FKBP1A: variants seen among roughly 807,000 people sequenced by gnomAD.
FKBP1A encodes FKBP prolyl isomerase 1A.
In FKBP1A, 5 loss-of-function variants were observed where a neutral mutation model predicts 14.2. The observed-to-expected ratio is 0.35, with a 90% CI of 0.18 to 0.74. FKBP1A has a LOEUF of 0.74. FKBP1A is among the 30% of genes least tolerant of loss of function. FKBP1A has a pLI of 0.56. For synonymous variants in FKBP1A, 42 were observed against 49.1 expected (o/e 0.86, Z 0.60); for missense variants, 53 against 138.8 (o/e 0.38, Z 3.10).
intron 3 of FKBP1A, 71 bp downstream of exon 3, chr20:1,375,420 A>C: frequency 7.1e-6 from 8 of 1,125,432 alleles, no homozygotes; most frequent in Non-Finnish European, 1.1e-5. Context: ...GAACCGTATA[A>C]ATATGCCACC....
At chr20:1,391,017 C>T (rs975450989) in intron 2 of FKBP1A, among the ~76,000 whole-genome samples, 43 of 152,188 alleles carry the variant, frequency 2.8e-4, no homozygotes, top group African/African-American at 9.9e-4. Flanking sequence ...TAGGAAAAGG[C>T]TCCAGACATG....
intron 3 of FKBP1A, chr20:1,374,361 C>G (rs564165321): frequency 1.3e-5 from 2 of 152,318 alleles, no homozygotes; most frequent in East Asian, 3.9e-4. Context: ...AGGAAACACA[C>G]TCAAGACAAA....
intron 2 of FKBP1A, among the ~76,000 whole-genome samples, chr20:1,391,948 A>G (rs1405225687): frequency 2.6e-5 from 4 of 151,092 alleles, no homozygotes; most frequent in Non-Finnish European, 4.4e-5. Context: ...CCCCATACAA[A>G]CCAGGACAAG....
intron 3 of FKBP1A, among the ~76,000 whole-genome samples, chr20:1,373,848 GAGAC>G (rs71329303): frequency 0.22 from 32,955 of 151,980 alleles, 3,782 homozygotes; most frequent in South Asian, 0.29. Flanking sequence ...ACAGACTAGG[GAGAC>G]AGAGGCAAAA....
intron 4 of FKBP1A, among the ~76,000 whole-genome samples, chr20:1,371,504 C>A (rs2089463887): frequency 6.6e-6 from 1 of 152,202 alleles, no homozygotes; most frequent in African/African-American, 2.4e-5. Flanking sequence ...TTCCACTTCA[C>A]TCACTGATAA....
At chr20:1,385,182 G>T (rs1193308706) in intron 2 of FKBP1A, among the ~76,000 whole-genome samples, 3 of 152,178 alleles carry the variant, frequency 2.0e-5, no homozygotes, top group Non-Finnish European at 4.4e-5. Flanking sequence ...CTGAGCTTCG[G>T]AGTTTGAGAC....
intron 2 of FKBP1A, among the ~76,000 whole-genome samples, chr20:1,385,201 G>T (rs1417875095): frequency 6.6e-6 from 1 of 152,106 alleles, no homozygotes; most frequent in Non-Finnish European, 1.5e-5. Context: ...ACCAGCCTGG[G>T]CAACATGGTG....
chr20:1,370,381 T>C, intron 4 of FKBP1A: 1 of 985,332 alleles, frequency 1.0e-6, no homozygotes, highest in Non-Finnish European at 1.2e-6. Context: ...TCATTGGGTC[T>C]CAAACTGTGC....
At chr20:1,372,292 C>T (rs778833538) in intron 3 of FKBP1A, 52 bp from the exon 4 acceptor site, 89 of 1,590,302 alleles carry the variant, frequency 5.6e-5, no homozygotes, top group Non-Finnish European at 7.4e-5. Flanking sequence ...CCCCAACTGT[C>T]TCTGTAAGAA....
rs2089593695 is a variant in FKBP1A, at chr20:1,379,527, G to A, written c.86-3924C>T. 6.6e-6 allele frequency among the ~76,000 whole-genome samples: 1 copy of A among 151,790 alleles called. No homozygotes were observed. Among genetic ancestry groups the A allele is most frequent in the Admixed American group, 6.6e-5 (1 of 15,188 alleles). On this transcript the variant is annotated intron_variant, in intron 2 of 4. Transcript: ENST00000400137. This position sits in a 1 kb window ranked among gnomAD's most constrained non-coding sequence, Gnocchi z 4.3. ...CAGGAAGCAGGATTTCTAAGTAAAG[G>A]AGCTTTAAACAGGACCTTTGCCTAG... is the stretch of plus-strand genomic sequence containing the variant.
chr20:1,371,654 T>C, intron 4 of FKBP1A: 1 of 913,534 alleles, frequency 1.1e-6, no homozygotes, highest in Non-Finnish European at 1.3e-6. Context: ...GGACATGATA[T>C]TCATATCCAA....
chr20:1,373,691 G>A (rs527546073), intron 3 of FKBP1A, among the ~76,000 whole-genome samples: 99 of 152,300 alleles, frequency 6.5e-4, no homozygotes, highest in African/African-American at 2.3e-3. Flanking sequence ...GAAGTAGGCC[G>A]ATAACACTAT....
At chr20:1,389,866 G>A (rs981609609) in intron 2 of FKBP1A, among the ~76,000 whole-genome samples, 1 of 152,142 alleles carries the variant, frequency 6.6e-6, no homozygotes, top group Non-Finnish European at 1.5e-5. Flanking sequence ...GCACTTACTT[G>A]GCAGCTTACC....
chr20:1,369,916 AG>A lies in FKBP1A; in HGVS notation c.*192del. ...TAGGTAAACACACATACGAGGAGAA[AG>A]GGGAAGAGGAAACAGAGGTGTCGGA... is the stretch of plus-strand genomic sequence containing the variant. On this transcript the variant is annotated 3_prime_UTR_variant, in exon 5 of 5. Transcript: ENST00000400137. 1 of 1,113,368 alleles carries A rather than the reference AG, an allele frequency of 9.0e-7. No individual in the cohort carries two copies. Among genetic ancestry groups the A allele is most frequent in the Non-Finnish European group, 1.3e-6 (1 of 784,588 alleles). 69.0% of individuals were successfully genotyped at this position (1,113,368 alleles called of 1,614,324 possible).
intron 2 of FKBP1A, chr20:1,378,137 T>C (rs1447862513): frequency 6.6e-6 from 1 of 152,052 alleles, no homozygotes; most frequent in Non-Finnish European, 1.5e-5. Flanking sequence ...AAACAAAGAC[T>C]CGGGAAGAAA....
At chr20:1,390,869 C>T (rs760181603) in intron 2 of FKBP1A, among the ~76,000 whole-genome samples, 1 of 152,204 alleles carries the variant, frequency 6.6e-6, no homozygotes, top group Non-Finnish European at 1.5e-5. Context: ...AAAAAGAAAG[C>T]TTTTGTCCTA....
chr20:1,374,134 A>G (rs1450030402), intron 3 of FKBP1A, among the ~76,000 whole-genome samples: 2 of 152,200 alleles, frequency 1.3e-5, no homozygotes, highest in Non-Finnish European at 2.9e-5. Context: ...AAGCAGACTA[A>G]TTACCCATCA....
At chr20:1,392,565 G>T (rs886156746) in intron 2 of FKBP1A, among the ~76,000 whole-genome samples, 1 of 152,186 alleles carries the variant, frequency 6.6e-6, no homozygotes, top group Non-Finnish European at 1.5e-5. Context: ...GGGCATAAGG[G>T]CAGCATCTAA....
chr20:1,378,105 C>T (rs1568588044), intron 2 of FKBP1A: 1 of 152,220 alleles, frequency 6.6e-6, no homozygotes, highest in African/African-American at 2.4e-5. Context: ...CCAGGAAAGT[C>T]CCACCTCATT....
Sources: allele counts gnomAD v4.1 joint callset (sites outside exome capture counted in the v4.1 genomes callset), GRCh38; gene constraint gnomAD v4.1.1; non-coding constraint Gnocchi (gnomAD v3.1); transcripts MANE v1.5; gene names NCBI Gene and HGNC (gene_info 2026-07-23, HGNC 2026-07-21).